CEBPZOS: variants seen among roughly 807,000 people sequenced by gnomAD.
The protein encoded by CEBPZOS is protein CEBPZOS.
In CEBPZOS, 10 loss-of-function variants were observed where a neutral mutation model predicts 4.8. That is an observed-to-expected ratio of 2.07 (90% CI 1.28 to 3.52). The LOEUF (loss-of-function observed/expected upper bound fraction) is 3.52. Ranked by LOEUF, CEBPZOS falls within the 30% of genes most tolerant of loss-of-function variation. The pLI is 0.00. For missense variants in CEBPZOS, 98 were observed against 43.6 expected (o/e 2.25, Z -3.51); for synonymous variants, 25 against 14.2 (o/e 1.77, Z -1.72).
At chr2:37,207,194 CAAT>C (rs1677568233), downstream of CEBPZOS, among the ~76,000 whole-genome samples, 1 of 152,098 alleles carries the variant, frequency 6.6e-6, no homozygotes. Context: ...GATGGCAACA[CAAT>C]AATAGTGGGT....
intron 2 of CEBPZOS, among the ~76,000 whole-genome samples, 163 bp from the exon 3 acceptor site, chr2:37,200,885 A>G (rs1215343384): frequency 6.6e-6 from 1 of 152,240 alleles, no homozygotes; most frequent in East Asian, 1.9e-4. Context: ...ACTCAAAAAA[A>G]CAAAAGGAGA....
At chr2:37,215,578 A>T (rs1677848062), downstream of CEBPZOS, 1 of 152,576 alleles carries the variant, frequency 6.6e-6, no homozygotes, top group South Asian at 2.1e-4. Context: ...TAAATGATCT[A>T]TAAGGTCTAA....
At chr2:37,204,851 A>T (rs568255673), downstream of CEBPZOS, 3 of 152,378 alleles carry the variant, frequency 2.0e-5, no homozygotes, top group South Asian at 6.2e-4. Flanking sequence ...CTTCTGAAAC[A>T]GTACTTTACT....
Position 37,211,927 on chromosome 2 carries a change from T to C in CEBPZOS, c.*3-1510T>C, listed in dbSNP as rs757541050. ...ACTTCAGCAAATTCTTCATCATCCA[T>C]ACTTCCTAAAGAAACTTCATCGTCA... On this transcript the variant is annotated intron_variant, in intron 4 of 4. Coordinates refer to the CEBPZOS transcript ENST00000397064. The C allele has an allele frequency of 7.7e-5, 125 of 1,613,690 alleles. 1 individual carries two copies. The South Asian group carries it at 1.3e-3, about 16-fold the overall frequency.
At chr2:37,205,278 C>A (rs1677497974), downstream of CEBPZOS, among the ~76,000 whole-genome samples, 1 of 152,316 alleles carries the variant, frequency 6.6e-6, no homozygotes, top group South Asian at 2.1e-4. Context: ...CCTGCACGCA[C>A]ACATCCAGAT....
In CEBPZOS at chr2:37,211,272, C is replaced by G. The variant is rs139504436; in HGVS notation, c.*3-2165C>G. ...AAAGACTCTAAGAATTGGCACAGTT[C>G]TAATATTTTGTGCAAGTACAAAATT... On this transcript the variant is annotated intron_variant, in intron 4 of 4. Transcript: ENST00000397064. 1.5e-3 allele frequency: 614 copies of G among 406,746 alleles called. 7 individuals carry two copies. In the East Asian group the frequency reaches 0.021, roughly 14 times the overall value. The allele number at this position is 406,746 out of a possible 1,614,324, so 25.2% of individuals were successfully genotyped here.
chr2:37,213,920 T>A (rs1213614122), downstream of CEBPZOS: 4 of 1,594,238 alleles, frequency 2.5e-6, no homozygotes, highest in African/African-American at 4.1e-5. Flanking sequence ...TTCATCTGCA[T>A]CCCGTTTTTG....
rs1677395277 is a variant in CEBPZOS at position 37,203,649 on chromosome 2, C to T, written c.*1789C>T. 6.6e-6 allele frequency: 1 copy of T among 152,178 alleles called. No homozygotes were observed. The highest frequency in any genetic ancestry group is 2.4e-5 in the African/African-American group (1 of 41,434). 9.4% of individuals were successfully genotyped at this position (152,178 alleles called of 1,614,324 possible). On this transcript the variant is annotated 3_prime_UTR_variant, in exon 5 of 5. Coordinates refer to ENST00000402297, the MANE Select transcript of CEBPZOS (RefSeq NM_001322374.2). ...TAACGCATTTTGGTAAATTTACAGA[C>T]TTGTTCAACCACAACCACAGTCTGA...
chr2:37,209,445 C>G (rs1677647612), downstream of CEBPZOS: 1 of 152,128 alleles, frequency 6.6e-6, no homozygotes, highest in Non-Finnish European at 1.5e-5. Context: ...CAAAAACAGG[C>G]ACGTAGACCA....
At chr2:37,210,820 T>G (rs1677697262) in intron 4 of CEBPZOS, 1 of 483,140 alleles carries the variant, frequency 2.1e-6, no homozygotes, top group Non-Finnish European at 3.7e-6. Flanking sequence ...CAGAGATATC[T>G]GAATGCGAGA....
At chr2:37,210,775 T>A (rs138393600) in intron 4 of CEBPZOS, 1 of 447,184 alleles carries the variant, frequency 2.2e-6, no homozygotes, top group African/African-American at 2.0e-5. Context: ...GAAATAATGA[T>A]AACAAATTTT....
rs957926009 is a variant in CEBPZOS at position 37,201,649 on chromosome 2, C to T, written c.168C>T (p.Tyr56=). The T allele has an allele frequency of 1.0e-4, 75 of 741,520 alleles. 1 individual carries two copies. In the East Asian group the frequency reaches 1.9e-3, roughly 19 times the overall value. The allele number at this position is 741,520 out of a possible 1,614,324, so 45.9% of individuals were successfully genotyped here. The change falls in exon 4 of 5, where the codon TAC becomes TAT. Residue 56 remains tyrosine (Y), a synonymous_variant. Transcript: ENST00000402297. ...AGCTATTTTTATTTATAGTTTATTA[C>T]AAATCCACTGAGAAGTCTGGAATGT... ...KKYPFILEVY[Y]KSTEKSGMYG...
intron 4 of CEBPZOS, chr2:37,212,188 T>A: frequency 9.2e-6 from 9 of 977,752 alleles, no homozygotes; most frequent in Non-Finnish European, 1.4e-5. Flanking sequence ...GCTTTATAAA[T>A]GTCAAAGATG....
downstream of CEBPZOS, chr2:37,213,814 T>C: frequency 8.0e-7 from 1 of 1,253,648 alleles, no homozygotes. Context: ...CCATGGTCTA[T>C]TAACACATAG....
downstream of CEBPZOS, chr2:37,215,614 G>A (rs1677848775): frequency 6.6e-6 from 1 of 152,578 alleles, no homozygotes. Context: ...TGAACAAAAG[G>A]GAGATGAGAT....
downstream of CEBPZOS, among the ~76,000 whole-genome samples, chr2:37,205,556 C>A (rs753132290): frequency 6.6e-6 from 1 of 152,194 alleles, no homozygotes; most frequent in Non-Finnish European, 1.5e-5. Context: ...GGACTCAGCC[C>A]GCCTGCACCC....
Position 37,203,060 on chromosome 2 carries a change from G to C in CEBPZOS, c.*1200G>C. ...TTCAATTATAAATCTAATGATTTTA[G>C]AAAAATGCAATGCAACATGATTTTA... On this transcript the variant is annotated 3_prime_UTR_variant, in exon 5 of 5. Coordinates refer to ENST00000402297, the MANE Select transcript of CEBPZOS (RefSeq NM_001322374.2). 8.1e-7 allele frequency: 1 copy of C among 1,236,928 alleles called. No individual in the cohort carries two copies. The highest frequency in any genetic ancestry group is 2.5e-5 in the East Asian group (1 of 39,520). 76.6% of individuals were successfully genotyped at this position (1,236,928 alleles called of 1,614,324 possible). A position where few individuals can be genotyped will look rare whatever the true frequency, so the allele number is the denominator to read the frequency against.
chr2:37,207,408 A>T (rs771649510), downstream of CEBPZOS, among the ~76,000 whole-genome samples: 1 of 152,212 alleles, frequency 6.6e-6, no homozygotes. Context: ...TAGGCCACAA[A>T]ACAAGTCTCA....
intron 4 of CEBPZOS, chr2:37,211,181 C>T: frequency 1.4e-6 from 1 of 708,096 alleles, no homozygotes; most frequent in Non-Finnish European, 2.3e-6. Context: ...GATGGTAAGG[C>T]ACTATACTGC....
Sources: gnomAD v4.1 joint callset for allele counts (sites outside exome capture counted in the v4.1 genomes callset) on GRCh38, gnomAD v4.1.1 for gene constraint, MANE v1.5 for transcripts, NCBI Gene and HGNC (gene_info 2026-07-23, HGNC 2026-07-21) for gene names.